The following CTNNA1 variants were observed in gnomAD, a reference collection of about 807,000 sequenced individuals.
CTNNA1 encodes catenin alpha 1, also known as catenin alpha-1.
CTNNA1 carries 37 observed loss-of-function variants against 98.4 expected under a neutral mutation model. The ratio of observed to expected loss-of-function variants is 0.38; its 90% CI spans 0.29 to 0.49. The LOEUF is 0.49. Among genes scored for constraint, CTNNA1 ranks in the 20% least tolerant of loss-of-function variants. The pLI is 0.95. For missense variants in CTNNA1, 761 were observed against 1,147.2 expected, an observed-to-expected ratio of 0.66 and a Z score of 4.86; for synonymous variants, 404 against 413.2, an observed-to-expected ratio of 0.98 and a Z score of 0.27.
At chr5:138,791,686 G>A (rs1581023644) in intron 3 of CTNNA1, among the ~76,000 whole-genome samples, 2 of 141,066 alleles carry the variant, frequency 1.4e-5, no homozygotes, top group East Asian at 4.4e-4. Context: ...TTTATTGTCT[G>A]CTAACACAAT....
At chr5:138,808,392 T>C (rs1332300534) in intron 3 of CTNNA1, among the ~76,000 whole-genome samples, 3 of 152,190 alleles carry the variant, frequency 2.0e-5, no homozygotes, top group Non-Finnish European at 2.9e-5. Context: ...CTAGCATTAA[T>C]GTTACGAATC....
chr5:138,856,956 C>T (rs1763781939), intron 7 of CTNNA1, among the ~76,000 whole-genome samples: 1 of 152,108 alleles, frequency 6.6e-6, no homozygotes, highest in Non-Finnish European at 1.5e-5. Flanking sequence ...CATGGGAACT[C>T]CAAGGCTGTC....
chr5:138,839,857 T>C (rs1402075983), intron 7 of CTNNA1, among the ~76,000 whole-genome samples: 1 of 152,214 alleles, frequency 6.6e-6, no homozygotes, highest in Non-Finnish European at 1.5e-5. Context: ...TTTGAACAGT[T>C]AGGACTAGAA....
chr5:138,922,733 G>C (rs1013859828), intron 11 of CTNNA1, among the ~76,000 whole-genome samples: 1 of 152,174 alleles, frequency 6.6e-6, no homozygotes, highest in African/African-American at 2.4e-5. Context: ...GAGCAGGCTG[G>C]GTGCTCTGTC....
chr5:138,911,510 CAG>C (rs1325961187), intron 10 of CTNNA1, among the ~76,000 whole-genome samples: 10 of 152,022 alleles, frequency 6.6e-5, no homozygotes, highest in Non-Finnish European at 1.0e-4. Flanking sequence ...GCAGGGGCAT[CAG>C]AGGCAGAGAA....
At chr5:138,838,180 C>A (rs1016484325) in intron 7 of CTNNA1, among the ~76,000 whole-genome samples, 1 of 152,162 alleles carries the variant, frequency 6.6e-6, no homozygotes, top group Non-Finnish European at 1.5e-5. Context: ...GGATTACAGG[C>A]GTGAGCCATG....
At chr5:138,924,835 A>G (rs1439951430) in intron 12 of CTNNA1, 125 bp downstream of exon 12, 17 of 842,322 alleles carry the variant, frequency 2.0e-5, no homozygotes, top group East Asian at 8.0e-5. Flanking sequence ...CTCATGGCAC[A>G]TCGGGCTCCT....
chr5:138,904,724 A>C, intron 10 of CTNNA1: 1 of 294,726 alleles, frequency 3.4e-6, no homozygotes, highest in Non-Finnish European at 6.4e-6. Context: ...TGGGATCCCA[A>C]AGTGGATGGG....
chr5:138,840,410 A>G (rs1762175531), intron 7 of CTNNA1, among the ~76,000 whole-genome samples: 2 of 152,222 alleles, frequency 1.3e-5, no homozygotes, highest in South Asian at 2.1e-4. Flanking sequence ...TTGTGTGTGC[A>G]ATGCCATGTT....
intron 1 of CTNNA1, among the ~76,000 whole-genome samples, chr5:138,776,723 GCTC>G (rs1754262246): frequency 6.9e-6 from 1 of 143,886 alleles, no homozygotes; most frequent in Non-Finnish European, 1.5e-5. Flanking sequence ...GGGCAGAGGG[GCTC>G]CTCACTTCCC....
At chr5:138,828,785 G>A (rs956977716) in intron 7 of CTNNA1, among the ~76,000 whole-genome samples, 1 of 152,140 alleles carries the variant, frequency 6.6e-6, no homozygotes, top group African/African-American at 2.4e-5. Context: ...TGTTTATCTT[G>A]TCTCTACCAT....
rs199986562 is a variant in CTNNA1 at position 138,780,948 on chromosome 5, CTGTT to C, written c.-2-974_-2-971del. 5.9e-5 allele frequency among the ~76,000 whole-genome samples: 9 copies of C among 151,956 alleles called. No homozygotes were observed. The East Asian group carries it at 1.7e-3, about 29-fold the overall frequency. On this transcript the variant is annotated intron_variant, in intron 1 of 17. Coordinates refer to ENST00000302763, the MANE Select transcript of CTNNA1 (RefSeq NM_001903.5). ...CACTACTTTTAGAAGAAAAGACTAA[CTGTT>C]ATTTTCGTTGATGTTTTCTCCCTAT... is the stretch of plus-strand genomic sequence containing the variant.
intron 7 of CTNNA1, among the ~76,000 whole-genome samples, chr5:138,856,157 C>T (rs1436006070): frequency 6.6e-6 from 1 of 152,132 alleles, no homozygotes; most frequent in East Asian, 1.9e-4. Flanking sequence ...ATATTGATAG[C>T]CATGCCACAT....
intron 17 of CTNNA1, among the ~76,000 whole-genome samples, chr5:138,933,420 C>G (rs1330401130): frequency 6.6e-6 from 1 of 152,166 alleles, no homozygotes; most frequent in Non-Finnish European, 1.5e-5. Context: ...CATATTGAGA[C>G]CATTTGCTCA....
chr5:138,822,894 A>G (rs1335015170), intron 5 of CTNNA1, among the ~76,000 whole-genome samples: 2 of 152,210 alleles, frequency 1.3e-5, no homozygotes, highest in Admixed American at 1.3e-4. Context: ...TGGTGTCTCT[A>G]ATGCCTAATT....
At chr5:138,857,534 C>T (rs1057137164) in intron 7 of CTNNA1, among the ~76,000 whole-genome samples, 2 of 152,142 alleles carry the variant, frequency 1.3e-5, no homozygotes, top group African/African-American at 4.8e-5. Flanking sequence ...CCAGGGTGGT[C>T]TCCAACTCCT....
chr5:138,818,199 G>A (rs1169939365), intron 5 of CTNNA1, among the ~76,000 whole-genome samples: 3 of 148,860 alleles, frequency 2.0e-5, no homozygotes, highest in Non-Finnish European at 3.0e-5. Context: ...GCATTTTCTC[G>A]GCAGTCTCAA....
chr5:138,858,489 T>C (rs958308750), intron 7 of CTNNA1, among the ~76,000 whole-genome samples: 1 of 152,122 alleles, frequency 6.6e-6, no homozygotes, highest in African/African-American at 2.4e-5. Context: ...GTGCTATTGG[T>C]GAATTTCGAT....
chr5:138,933,316 A>G (rs1182767812), intron 17 of CTNNA1, among the ~76,000 whole-genome samples: 2 of 152,266 alleles, frequency 1.3e-5, no homozygotes, highest in East Asian at 3.9e-4. Flanking sequence ...AGGGGAAAGA[A>G]GAGGTTTGCT....
Sources: allele counts gnomAD v4.1 joint callset (sites outside exome capture counted in the v4.1 genomes callset), GRCh38; gene constraint gnomAD v4.1.1; transcripts MANE v1.5; gene names NCBI Gene and HGNC (gene_info 2026-07-23, HGNC 2026-07-21).